The following IFI16 variants were observed in gnomAD, a reference collection of about 807,000 sequenced individuals.
IFI16 encodes interferon gamma inducible protein 16.
Under a neutral mutation model 68.4 loss-of-function variants are expected in IFI16, and 49 were observed. That is an observed-to-expected ratio of 0.72 (90% CI 0.57 to 0.91). The LOEUF (loss-of-function observed/expected upper bound fraction) is 0.91. Ranked by LOEUF, IFI16 falls within the 40% of genes least tolerant of loss-of-function variation. The probability of loss-of-function intolerance (pLI) is 0.00; values close to 1 mark genes in which losing one functional copy is unlikely to be tolerated. For synonymous variants in IFI16, 307 were observed against 315.0 expected, an observed-to-expected ratio of 0.97 and a Z score of 0.27; for missense variants, 878 against 942.9, an observed-to-expected ratio of 0.93 and a Z score of 0.90.
At chr1:159,010,479 C>A (rs578042036) in intron 1 of IFI16, among the ~76,000 whole-genome samples, 1 of 152,222 alleles carries the variant, frequency 6.6e-6, no homozygotes, top group South Asian at 2.1e-4. Flanking sequence ...GTTATTTTGG[C>A]TGGAAGAAGT....
upstream of IFI16, among the ~76,000 whole-genome samples, chr1:159,009,569 A>C (rs915121172): frequency 2.6e-5 from 4 of 152,180 alleles, no homozygotes; most frequent in Admixed American, 2.0e-4. Flanking sequence ...GTCTCTAATG[A>C]CTCACATGTA....
intron 5 of IFI16, among the ~76,000 whole-genome samples, chr1:159,019,381 G>A (rs992947341): frequency 6.6e-6 from 1 of 151,702 alleles, no homozygotes; most frequent in Admixed American, 6.6e-5. Context: ...ATTGATTCAA[G>A]CAATTTATCT....
intron 7 of IFI16, among the ~76,000 whole-genome samples, chr1:159,042,000 AT>A (rs1448622689): frequency 6.6e-6 from 1 of 152,212 alleles, no homozygotes; most frequent in African/African-American, 2.4e-5. Flanking sequence ...TAAATAAGCA[AT>A]GTGTCCATTT....
At chr1:159,046,943 G>A (rs1469950660) in intron 8 of IFI16, among the ~76,000 whole-genome samples, 2 of 151,134 alleles carry the variant, frequency 1.3e-5, no homozygotes, top group Non-Finnish European at 3.0e-5. Context: ...TAACACAGAG[G>A]TGGGAAAGTG....
At chr1:159,029,775 G>A (rs1653891492) in intron 6 of IFI16, among the ~76,000 whole-genome samples, 1 of 151,054 alleles carries the variant, frequency 6.6e-6, no homozygotes, top group African/African-American at 2.4e-5. Context: ...CCACCTCCCA[G>A]GTTCAAGCAA....
upstream of IFI16, among the ~76,000 whole-genome samples, chr1:159,002,290 A>G (rs1652088171): frequency 6.6e-6 from 1 of 152,146 alleles, no homozygotes; most frequent in Non-Finnish European, 1.5e-5. Flanking sequence ...TACAGAGAGT[A>G]TGGAATGATT....
intron 7 of IFI16, among the ~76,000 whole-genome samples, chr1:159,034,208 G>A (rs3768523): frequency 6.6e-6 from 1 of 152,052 alleles, no homozygotes; most frequent in Non-Finnish European, 1.5e-5. Flanking sequence ...GCAACATAAG[G>A]CTGGGTTTCC....
At chr1:159,035,132 C>T (rs1242809195) in intron 7 of IFI16, among the ~76,000 whole-genome samples, 1 of 152,184 alleles carries the variant, frequency 6.6e-6, no homozygotes, top group Non-Finnish European at 1.5e-5. Flanking sequence ...GGAAGAGAAG[C>T]TTCCTATATT....
At chr1:159,045,489 A>T in intron 8 of IFI16, 25 bp downstream of exon 8, 1 of 1,606,772 alleles carries the variant, frequency 6.2e-7, no homozygotes. Context: ...TTCCCAATAC[A>T]TTCCCCTCAC....
rs1027287732 is a variant in IFI16, at chr1:159,010,172, T to C, written c.-21+11T>C. 3 of 152,194 alleles carry C rather than the reference T, an allele frequency of 2.0e-5. No homozygotes were observed. Among genetic ancestry groups the C allele is most frequent in the African/African-American group, 4.8e-5 (2 of 41,428 alleles). The allele number at this position is 152,194 out of a possible 1,614,324, so 9.4% of individuals were successfully genotyped here. ...AAAATTTCCAGTGAGGTGAGTACTG[T>C]TCCTGATTTTGTAAATATGATCTTG... On this transcript the variant is annotated intron_variant, in intron 1 of 11. Coordinates refer to ENST00000295809, the MANE Select transcript of IFI16 (RefSeq NM_001376587.1).
upstream of IFI16, chr1:159,009,243 T>C (rs1233025648): frequency 6.6e-6 from 1 of 152,208 alleles, no homozygotes; most frequent in African/African-American, 2.4e-5. Flanking sequence ...AACCTAGTCA[T>C]GGTCAAGAGG....
chr1:159,014,801 G>C lies in IFI16; in HGVS notation c.121G>C (p.Glu41Gln), dbSNP rs751906704. ...TTTAAAACTTAATTTAAAAATGAGA[G>C]AAGAGTATGACAAAATTCAGATTGC... ...NDLKLNLKMR[E>Q]EYDKIQIADL... Residue 41 changes from glutamate to glutamine, a missense_variant, in exon 2 of 12, where the codon GAA (glutamate) becomes CAA (glutamine). By Grantham distance (29) the Glu-to-Gln change is conservative (BLOSUM62 2). This residue lies in a region of IFI16 where 65 missense variants were observed against 96.9 expected (regional missense o/e 0.67). Transcript: ENST00000295809. 9.7e-5 allele frequency: 157 copies of C among 1,613,936 alleles called. No individual in the cohort carries two copies. Among genetic ancestry groups the C allele is most frequent in the Non-Finnish European group, 1.3e-4 (157 of 1,179,908 alleles).
intron 8 of IFI16, among the ~76,000 whole-genome samples, chr1:159,046,324 TA>T (rs548984690): frequency 5.9e-5 from 9 of 151,296 alleles, no homozygotes; most frequent in Non-Finnish European, 1.3e-4. Flanking sequence ...TGATACTGAT[TA>T]ACTTCATTGG....
upstream of IFI16, among the ~76,000 whole-genome samples, chr1:159,004,291 T>C (rs1652171834): frequency 1.3e-5 from 2 of 151,654 alleles, no homozygotes; most frequent in Admixed American, 6.6e-5. Flanking sequence ...CTGGGCAACA[T>C]GGCAAGACCT....
intron 9 of IFI16, 52 bp from the exon 10 acceptor site, chr1:159,051,626 AC>A: frequency 7.1e-7 from 1 of 1,413,644 alleles, no homozygotes; most frequent in South Asian, 1.3e-5. Flanking sequence ...CTAGAGAATG[AC>A]CCTGTTTTTC....
At chr1:159,048,485 C>T (rs1168268226) in intron 8 of IFI16, among the ~76,000 whole-genome samples, 1 of 151,444 alleles carries the variant, frequency 6.6e-6, no homozygotes, top group Non-Finnish European at 1.5e-5. Flanking sequence ...ACTGAATCCA[C>T]AGTAGGTGTG....
intron 7 of IFI16, among the ~76,000 whole-genome samples, chr1:159,044,132 A>T (rs1185631974): frequency 6.6e-6 from 1 of 152,202 alleles, no homozygotes; most frequent in Non-Finnish European, 1.5e-5. Context: ...TGTGCACATT[A>T]CCTAAATTAT....
chr1:159,055,069 T>G lies in IFI16; in HGVS notation c.*168T>G, dbSNP rs555273472. 7.7e-6 allele frequency: 3 copies of G among 388,006 alleles called. No individual in the cohort carries two copies. Among genetic ancestry groups the G allele is most frequent in the Non-Finnish European group, 1.4e-5 (3 of 211,484 alleles). The allele number at this position is 388,006 out of a possible 1,614,324, so 24.0% of individuals were successfully genotyped here. The stretch of plus-strand genomic sequence containing the variant: ...GGAGTGCTTTTTTAATTTTTCATAG[T>G]TTTTTTTTAATAAAATGGCATATTT... On this transcript the variant is annotated 3_prime_UTR_variant, in exon 12 of 12. Transcript: ENST00000295809.
chr1:159,035,664 C>G (rs1654279549), intron 7 of IFI16, among the ~76,000 whole-genome samples: 1 of 151,886 alleles, frequency 6.6e-6, no homozygotes, highest in African/African-American at 2.4e-5. Flanking sequence ...TAGTCTTGTT[C>G]CACTGATCAT....
Sources: gnomAD v4.1 joint callset for allele counts (sites outside exome capture counted in the v4.1 genomes callset) on GRCh38, gnomAD v4.1.1 for gene constraint, gnomAD v4.1.1 regional missense constraint, MANE v1.5 for transcripts, NCBI Gene and HGNC (gene_info 2026-07-23, HGNC 2026-07-21) for gene names.